The following CACNA2D3 variants were observed in gnomAD, a reference collection of about 807,000 sequenced individuals.
The protein encoded by CACNA2D3 is calcium voltage-gated channel auxiliary subunit alpha2delta 3.
CACNA2D3 carries 60 observed loss-of-function variants against 160.6 expected under a neutral mutation model. That is an observed-to-expected ratio of 0.37 (90% CI 0.30 to 0.46). CACNA2D3 has a LOEUF of 0.46. CACNA2D3 is among the 20% of genes least tolerant of loss of function. The pLI, the probability that CACNA2D3 is intolerant of heterozygous loss-of-function variation, is 1.00. For missense variants in CACNA2D3, 1,205 were observed against 1,365.0 expected, an observed-to-expected ratio of 0.88 and a Z score of 1.85; for synonymous variants, 558 against 492.9, an observed-to-expected ratio of 1.13 and a Z score of -1.75.
chr3:54,797,115 T>C (rs753425791), intron 13 of CACNA2D3, among the ~76,000 whole-genome samples: 2 of 152,224 alleles, frequency 1.3e-5, no homozygotes, highest in Non-Finnish European at 2.9e-5. Context: ...TGCTAAATGA[T>C]GCTCTCTGTC....
intron 13 of CACNA2D3, among the ~76,000 whole-genome samples, chr3:54,769,386 T>C (rs554522117): frequency 6.6e-6 from 1 of 152,246 alleles, no homozygotes; most frequent in Non-Finnish European, 1.5e-5. Context: ...ACCTGATGTT[T>C]TGTTGGTATT....
intron 34 of CACNA2D3, among the ~76,000 whole-genome samples, chr3:55,016,051 CAA>C (rs1247743032): frequency 7.2e-5 from 11 of 152,176 alleles, no homozygotes; most frequent in South Asian, 2.1e-4. Context: ...AAACACTACT[CAA>C]GAGAGTCATT....
chr3:54,394,266 C>T (rs1253786662), intron 4 of CACNA2D3, among the ~76,000 whole-genome samples: 2 of 151,790 alleles, frequency 1.3e-5, no homozygotes, highest in African/African-American at 2.4e-5. Flanking sequence ...CCCAGAATCA[C>T]AGATCCTGGT....
At chr3:54,140,709 C>T (rs1699908731) in intron 2 of CACNA2D3, among the ~76,000 whole-genome samples, 1 of 152,218 alleles carries the variant, frequency 6.6e-6, no homozygotes, top group Non-Finnish European at 1.5e-5. Context: ...CACACCCACC[C>T]TCTGATGTCA....
intron 2 of CACNA2D3, among the ~76,000 whole-genome samples, chr3:54,156,199 C>T (rs1459437632): frequency 1.3e-5 from 2 of 152,128 alleles, no homozygotes; most frequent in Non-Finnish European, 2.9e-5. Flanking sequence ...GAATCACCAG[C>T]AGGGGAGCGG....
At chr3:54,750,511 GATCTTCTGTATTGACC>G (rs1461953975) in intron 11 of CACNA2D3, among the ~76,000 whole-genome samples, 2 of 152,266 alleles carry the variant, frequency 1.3e-5, no homozygotes, top group African/African-American at 4.8e-5. Flanking sequence ...AGCTGGTTGG[GATCTTCTGTATTGACC>G]AAACCAGCAT....
chr3:54,832,248 A>C (rs1453896625), intron 14 of CACNA2D3, among the ~76,000 whole-genome samples: 1 of 152,148 alleles, frequency 6.6e-6, no homozygotes, highest in Non-Finnish European at 1.5e-5. Flanking sequence ...CTAGTTAATA[A>C]ACTTACCAGT....
At chr3:54,563,931 T>C (rs943338728) in intron 6 of CACNA2D3, among the ~76,000 whole-genome samples, 3 of 152,182 alleles carry the variant, frequency 2.0e-5, no homozygotes, top group Non-Finnish European at 4.4e-5. Flanking sequence ...CCAAGAGTCA[T>C]GTTCAGCATG....
At chr3:54,924,859 G>A (rs759719657) in intron 27 of CACNA2D3, 9 of 1,613,892 alleles carry the variant, frequency 5.6e-6, no homozygotes, top group Non-Finnish European at 7.6e-6. Context: ...CTCAGCTGAG[G>A]GAGGGAATGG....
chr3:54,748,162 C>T (rs1701790143), intron 11 of CACNA2D3, among the ~76,000 whole-genome samples: 1 of 152,168 alleles, frequency 6.6e-6, no homozygotes, highest in Non-Finnish European at 1.5e-5. Context: ...GGGAGATGTG[C>T]AGGCAGCAGC....
intron 14 of CACNA2D3, among the ~76,000 whole-genome samples, chr3:54,824,833 T>C (rs1405930870): frequency 6.6e-6 from 1 of 152,210 alleles, no homozygotes. Flanking sequence ...GCTAGCAGCA[T>C]TATACCTTGT....
intron 2 of CACNA2D3, among the ~76,000 whole-genome samples, chr3:54,293,681 A>G (rs1050095975): frequency 6.6e-6 from 1 of 152,198 alleles, no homozygotes; most frequent in Non-Finnish European, 1.5e-5. Context: ...CATCATACTG[A>G]GTGAAAGAAG....
At chr3:54,816,995 C>G in intron 14 of CACNA2D3, 125 bp downstream of exon 14, 2 of 1,138,856 alleles carry the variant, frequency 1.8e-6, no homozygotes, top group South Asian at 2.9e-5. Context: ...GCTTCAGAAA[C>G]CTGAAGTTGG....
rs898110930 is a variant in CACNA2D3, at chr3:54,880,792, A to G, written c.1845-4A>G. ...TTCAAGATTTGCTTTGTCTCTCTGC[A>G]CAGTTTAGGTGTGGCGCTTTCCAGA... On this transcript the variant is annotated splice_region_variant and splice_polypyrimidine_tract_variant and intron_variant, in intron 20 of 37. Transcript: ENST00000474759. 6.2e-7 allele frequency: 1 copy of G among 1,613,182 alleles called. No homozygotes were observed. Among genetic ancestry groups the G allele is most frequent in the Non-Finnish European group, 8.5e-7 (1 of 1,179,152 alleles).
Position 54,386,720 on chromosome 3 carries a change from G to A in CACNA2D3, c.327G>A (p.Leu109=). Reference sequence around the variant, plus strand: ...TTTTTTTTTTTTTTTTTTAGCGTCTGGTGGAGGCTGCAGAAGAAGCACACC... The same window carrying A: ...TTTTTTTTTTTTTTTTTTAGCGTCTAGTGGAGGCTGCAGAAGAAGCACACC... ...FHKKSEAVRR[L]VEAAEEAHLK... The change falls in exon 4 of 38, where the codon CTG becomes CTA. Residue 109 remains leucine, a synonymous_variant. Transcript: ENST00000474759. The A allele has an allele frequency of 6.5e-7, 1 of 1,532,892 alleles. No homozygotes were observed. Among genetic ancestry groups the A allele is most frequent in the Non-Finnish European group, 8.8e-7 (1 of 1,142,168 alleles). 95.0% of individuals were successfully genotyped at this position (1,532,892 alleles called of 1,614,324 possible). A position where few individuals can be genotyped will look rare whatever the true frequency, so the allele number is the denominator to read the frequency against.
chr3:54,246,200 G>A (rs1428436936), intron 2 of CACNA2D3, among the ~76,000 whole-genome samples: 1 of 152,188 alleles, frequency 6.6e-6, no homozygotes, highest in Non-Finnish European at 1.5e-5. Flanking sequence ...CATGTTGCCT[G>A]TGTCCTTTAT....
At chr3:54,756,377 G>A (rs142666232) in intron 12 of CACNA2D3, among the ~76,000 whole-genome samples, 137 of 152,268 alleles carry the variant, frequency 9.0e-4, no homozygotes, top group Admixed American at 1.4e-3. Flanking sequence ...TTCACGTTGC[G>A]TCAGTTAAGG....
chr3:54,339,257 G>A (rs188345821), intron 3 of CACNA2D3, among the ~76,000 whole-genome samples: 1 of 152,244 alleles, frequency 6.6e-6, no homozygotes, highest in East Asian at 1.9e-4. Context: ...TTCTCTCTGA[G>A]TGGAATCTTC....
At chr3:54,483,900 C>A (rs2106905382) in intron 4 of CACNA2D3, among the ~76,000 whole-genome samples, 1 of 152,290 alleles carries the variant, frequency 6.6e-6, no homozygotes, top group Non-Finnish European at 1.5e-5. Context: ...TAAATGACTG[C>A]TTTTCTATAA....
Sources: gnomAD v4.1 joint callset for allele counts (sites outside exome capture counted in the v4.1 genomes callset) on GRCh38, gnomAD v4.1.1 for gene constraint, MANE v1.5 for transcripts, NCBI Gene and HGNC (gene_info 2026-07-23, HGNC 2026-07-21) for gene names.